CACNB4: variants seen among roughly 807,000 people sequenced by gnomAD.
CACNB4 encodes calcium voltage-gated channel auxiliary subunit beta 4, also known as voltage-dependent L-type calcium channel subunit beta-4.
CACNB4 carries 32 observed loss-of-function variants against 71.2 expected under a neutral mutation model. The ratio of observed to expected loss-of-function variants is 0.45; its 90% CI spans 0.34 to 0.60. CACNB4 has a LOEUF of 0.60. Among genes scored for constraint, CACNB4 ranks in the 20% least tolerant of loss-of-function variants. The pLI, the probability that CACNB4 is intolerant of heterozygous loss-of-function variation, is 0.01. For synonymous variants in CACNB4, 231 were observed against 236.9 expected, an observed-to-expected ratio of 0.97 and a Z score of 0.23; for missense variants, 464 against 647.9, an observed-to-expected ratio of 0.72 and a Z score of 3.08.
At chr2:151,866,167 T>C (rs868825670) in intron 9 of CACNB4, 8 of 152,232 alleles carry the variant, frequency 5.3e-5, no homozygotes, top group Non-Finnish European at 1.0e-4. Flanking sequence ...TAAGTAGCTC[T>C]AAACTGACTC....
intron 2 of CACNB4, among the ~76,000 whole-genome samples, chr2:152,095,983 G>A (rs1688246316): frequency 6.6e-6 from 1 of 152,082 alleles, no homozygotes; most frequent in Admixed American, 6.5e-5. Flanking sequence ...CAGCTGTTAT[G>A]CTTTCATAAA....
chr2:151,870,025 A>G, intron 8 of CACNB4: 1 of 562,800 alleles, frequency 1.8e-6, no homozygotes, highest in Non-Finnish European at 3.1e-6. Flanking sequence ...AAGTTCACTA[A>G]TGTTTTTAGT....
chr2:151,860,613 G>T, intron 10 of CACNB4, 98 bp downstream of exon 10: 3 of 844,686 alleles, frequency 3.6e-6, no homozygotes, highest in Non-Finnish European at 6.1e-6. Flanking sequence ...CCCCCGTTCA[G>T]AATGGGGAAC....
intron 2 of CACNB4, among the ~76,000 whole-genome samples, chr2:152,054,089 C>T (rs1685591039): frequency 6.6e-6 from 1 of 152,020 alleles, no homozygotes; most frequent in African/African-American, 2.4e-5. Flanking sequence ...TTGTGTTGGC[C>T]GGGCGCGGTG....
chr2:151,975,728 T>C (rs1212413769), intron 2 of CACNB4, among the ~76,000 whole-genome samples: 2 of 152,222 alleles, frequency 1.3e-5, no homozygotes, highest in Non-Finnish European at 2.9e-5. Context: ...ATTTTAATTA[T>C]TAACTCTCTA....
intron 7 of CACNB4, 58 bp downstream of exon 7, chr2:151,870,784 T>C (rs942130381): frequency 7.1e-7 from 1 of 1,407,690 alleles, no homozygotes; most frequent in African/African-American, 1.4e-5. Context: ...AATGGAGCAT[T>C]GCAGGCATGT....
At chr2:152,066,615 A>G (rs554116572) in intron 2 of CACNB4, among the ~76,000 whole-genome samples, 121 of 149,766 alleles carry the variant, frequency 8.1e-4, no homozygotes, top group African/African-American at 2.8e-3. Flanking sequence ...AACTAGAAAT[A>G]CCATTTGACC....
intron 2 of CACNB4, among the ~76,000 whole-genome samples, chr2:151,888,786 T>G (rs141690142): frequency 6.6e-6 from 1 of 152,282 alleles, no homozygotes; most frequent in Non-Finnish European, 1.5e-5. Context: ...AAAATGAGAA[T>G]GAAGTCCTTC....
chr2:151,948,945 G>A (rs1040106517), intron 2 of CACNB4, among the ~76,000 whole-genome samples: 1 of 151,986 alleles, frequency 6.6e-6, no homozygotes, highest in Non-Finnish European at 1.5e-5. Flanking sequence ...TTTGTTTAAA[G>A]GTAGATGTCA....
intron 2 of CACNB4, among the ~76,000 whole-genome samples, chr2:151,905,625 C>T (rs1262125313): frequency 1.3e-5 from 2 of 152,198 alleles, no homozygotes; most frequent in East Asian, 3.9e-4. Flanking sequence ...TTTCAAGTAT[C>T]AGTTGCTTTA....
intron 2 of CACNB4, among the ~76,000 whole-genome samples, chr2:152,060,738 C>T (rs1685964301): frequency 6.6e-6 from 1 of 151,706 alleles, no homozygotes; most frequent in Non-Finnish European, 1.5e-5. Context: ...CATCACGGTA[C>T]ATCTACACAT....
chr2:151,864,248 C>G (rs1333883252), intron 9 of CACNB4, among the ~76,000 whole-genome samples: 1 of 152,122 alleles, frequency 6.6e-6, no homozygotes, highest in South Asian at 2.1e-4. Context: ...GTTTAGTTCC[C>G]CAGCAGACTG....
intron 2 of CACNB4, among the ~76,000 whole-genome samples, chr2:151,906,700 G>C (rs1436793881): frequency 6.6e-6 from 1 of 152,174 alleles, no homozygotes; most frequent in Non-Finnish European, 1.5e-5. Flanking sequence ...TTCTAATTCT[G>C]ATGGCCCTAA....
At chr2:151,929,374 G>A (rs1488187799) in intron 2 of CACNB4, among the ~76,000 whole-genome samples, 1 of 152,066 alleles carries the variant, frequency 6.6e-6, no homozygotes, top group Non-Finnish European at 1.5e-5. Flanking sequence ...CTTACTATAT[G>A]TAATGTTCTC....
chr2:151,916,422 G>A (rs2099857550), intron 2 of CACNB4, among the ~76,000 whole-genome samples: 1 of 151,978 alleles, frequency 6.6e-6, no homozygotes, highest in Non-Finnish European at 1.5e-5. Flanking sequence ...TAAACACTTG[G>A]AAGAATGAAA....
intron 2 of CACNB4, among the ~76,000 whole-genome samples, chr2:151,984,677 T>C (rs1037793522): frequency 1.3e-5 from 2 of 152,156 alleles, no homozygotes; most frequent in Non-Finnish European, 2.9e-5. Flanking sequence ...CATTTAACCA[T>C]ATACTTGATG....
chr2:151,968,310 G>C (rs1471202329), intron 2 of CACNB4: 1 of 152,208 alleles, frequency 6.6e-6, no homozygotes, highest in Non-Finnish European at 1.5e-5. Flanking sequence ...GCAAACACAT[G>C]AAAGGCCCCT....
chr2:151,929,051 T>C (rs558507550), intron 2 of CACNB4, among the ~76,000 whole-genome samples: 7 of 152,328 alleles, frequency 4.6e-5, no homozygotes, highest in South Asian at 2.1e-4. Context: ...GCTGAAGATA[T>C]TGCATTCCAA....
At chr2:151,985,671 TTTTC>T (rs1182297914) in intron 2 of CACNB4, among the ~76,000 whole-genome samples, 1 of 91,212 alleles carries the variant, frequency 1.1e-5, no homozygotes, top group Non-Finnish European at 2.7e-5. Flanking sequence ...GCTGCCTTAA[TTTTC>T]TTTTTTTTTT....
Sources: gnomAD v4.1 joint callset for allele counts (sites outside exome capture counted in the v4.1 genomes callset) on GRCh38, gnomAD v4.1.1 for gene constraint, MANE v1.5 for transcripts, NCBI Gene and HGNC (gene_info 2026-07-23, HGNC 2026-07-21) for gene names.